The following SEC61A1 variants were observed in gnomAD, a reference collection of about 807,000 sequenced individuals.
The protein encoded by SEC61A1 is protein transport protein Sec61 subunit alpha isoform 1.
SEC61A1 carries 15 observed loss-of-function variants against 55.2 expected under a neutral mutation model. The observed-to-expected ratio is 0.27, with a 90% confidence interval of 0.18 to 0.42. The LOEUF is 0.42. Among genes scored for constraint, SEC61A1 ranks in the 10% least tolerant of loss-of-function variants. SEC61A1 has a pLI of 1.00. For missense variants in SEC61A1, 284 were observed against 602.6 expected, an observed-to-expected ratio of 0.47 and a Z score of 5.53; for synonymous variants, 247 against 234.0, an observed-to-expected ratio of 1.06 and a Z score of -0.51.
intron 7 of SEC61A1, among the ~76,000 whole-genome samples, chr3:128,063,901 G>A (rs1009203575): frequency 4.6e-5 from 7 of 152,074 alleles, no homozygotes; most frequent in African/African-American, 9.7e-5. Flanking sequence ...CACACTCCCC[G>A]CCTTCCTCTC....
At chr3:128,064,402 A>C (rs553857742) in intron 7 of SEC61A1, among the ~76,000 whole-genome samples, 2 of 152,242 alleles carry the variant, frequency 1.3e-5, no homozygotes, top group African/African-American at 4.8e-5. Flanking sequence ...ACACTTTGGG[A>C]GGGTGAGGCG....
intron 2 of SEC61A1, among the ~76,000 whole-genome samples, chr3:128,055,075 GT>G (rs1263038009): frequency 6.6e-6 from 1 of 152,084 alleles, no homozygotes; most frequent in Non-Finnish European, 1.5e-5. Context: ...GAATAACAAG[GT>G]TTTGTGACTG....
intron 1 of SEC61A1, 108 bp downstream of exon 1, chr3:128,052,667 A>G (rs1941706441): frequency 6.5e-7 from 1 of 1,538,204 alleles, no homozygotes; most frequent in Non-Finnish European, 8.8e-7. Context: ...CCCCCTGCAG[A>G]ACGCGGCCCG....
At chr3:128,053,660 C>T (rs1434770112) in intron 2 of SEC61A1, among the ~76,000 whole-genome samples, 1 of 152,198 alleles carries the variant, frequency 6.6e-6, no homozygotes, top group East Asian at 1.9e-4. Flanking sequence ...AAAATAGTTT[C>T]ATATAAATGC....
chr3:128,064,582 A>G (rs961092616), intron 7 of SEC61A1, among the ~76,000 whole-genome samples: 5 of 152,196 alleles, frequency 3.3e-5, no homozygotes, highest in Non-Finnish European at 5.9e-5. Flanking sequence ...GAGAAGGTTG[A>G]GGCTGCAGTG....
At chr3:128,058,201 ATTTTTTTTTTTTT>A (rs57508280) in intron 5 of SEC61A1, among the ~76,000 whole-genome samples, 5 of 79,358 alleles carry the variant, frequency 6.3e-5, no homozygotes, top group Non-Finnish European at 1.1e-4. Context: ...AAATACGTCT[ATTTTTTTTTTTTT>A]TTTTTTTTTT....
At chr3:128,054,619 G>T (rs184509684) in intron 2 of SEC61A1, among the ~76,000 whole-genome samples, 2 of 94,182 alleles carry the variant, frequency 2.1e-5, no homozygotes, top group Non-Finnish European at 4.6e-5. Flanking sequence ...TGCCTGCCTA[G>T]AAGTGTTTTT....
chr3:128,068,906 G>C (rs1183105833), intron 11 of SEC61A1: 1 of 152,302 alleles, frequency 6.6e-6, no homozygotes, highest in Non-Finnish European at 1.5e-5. Flanking sequence ...TTGTCCTATG[G>C]GCCTTACCTA....
chr3:128,063,014 T>G (rs1941872646), intron 7 of SEC61A1, among the ~76,000 whole-genome samples: 1 of 152,188 alleles, frequency 6.6e-6, no homozygotes, highest in African/African-American at 2.4e-5. Flanking sequence ...TACCTTTGGG[T>G]TAAAGTGATC....
In SEC61A1 at chr3:128,060,361, G is replaced by C. The variant is rs1017538489; in HGVS notation, c.463-147G>C. 5 of 1,079,148 alleles carry C rather than the reference G, an allele frequency of 4.6e-6. No homozygotes were observed. The African/African-American group carries it at 7.9e-5, about 17-fold the overall frequency. The allele number at this position is 1,079,148 out of a possible 1,614,324, so 66.8% of individuals were successfully genotyped here. On this transcript the variant is annotated intron_variant, in intron 6 of 11. Coordinates refer to ENST00000243253, the MANE Select transcript of SEC61A1 (RefSeq NM_013336.4). ...GGGTTAGCCCTCTGAATTCAGCAGA[G>C]AAAGGCTTTACTGACCGCTCTCTGG... is the stretch of plus-strand genomic sequence containing the variant.
chr3:128,063,897 C>T (rs1423017424), intron 7 of SEC61A1, among the ~76,000 whole-genome samples: 1 of 152,192 alleles, frequency 6.6e-6, no homozygotes, highest in Admixed American at 6.5e-5. Context: ...GCACCACACT[C>T]CCCGCCTTCC....
Position 128,067,667 on chromosome 3 carries a change from G to A in SEC61A1, c.1167+55G>A. The A allele has an allele frequency of 3.6e-6, 5 of 1,372,352 alleles. No individual in the cohort carries two copies. The highest frequency in any genetic ancestry group is 5.1e-6 in the Non-Finnish European group (5 of 985,658). The allele number at this position is 1,372,352 out of a possible 1,614,324, so 85.0% of individuals were successfully genotyped here. The stretch of plus-strand genomic sequence containing the variant: ...TGATGAAAGTGTGACTGGTATAAGG[G>A]GTGTGGACTTGTCACCTCATCATAA... On this transcript the variant is annotated intron_variant, in intron 10 of 11. Transcript: ENST00000243253. This position sits in a 1 kb window ranked among gnomAD's most constrained non-coding sequence, Gnocchi z 4.1.
intron 7 of SEC61A1, 103 bp from the exon 8 acceptor site, chr3:128,064,774 A>C: frequency 1.0e-6 from 1 of 989,522 alleles, no homozygotes; most frequent in Non-Finnish European, 1.5e-6. Context: ...TGAGTCTAAT[A>C]ACTTAAGTTT....
intron 7 of SEC61A1, among the ~76,000 whole-genome samples, chr3:128,062,572 G>C (rs547009686): frequency 2.0e-5 from 3 of 152,220 alleles, no homozygotes; most frequent in Non-Finnish European, 4.4e-5. Flanking sequence ...ATGATGGCCA[G>C]TTAGGATATG....
chr3:128,052,186 C>T (rs901960067), upstream of SEC61A1, among the ~76,000 whole-genome samples: 4 of 152,118 alleles, frequency 2.6e-5, no homozygotes, highest in African/African-American at 9.7e-5. Flanking sequence ...ACACCCTCCC[C>T]GCGCGCTCTC....
At chr3:128,064,631 G>A (rs1396699942) in intron 7 of SEC61A1, 6 of 472,812 alleles carry the variant, frequency 1.3e-5, no homozygotes, top group South Asian at 2.7e-5. Flanking sequence ...CTAGGCAGCC[G>A]AGAGAGAGGG....
chr3:128,055,746 A>G lies in SEC61A1; in HGVS notation c.215A>G (p.Asn72Ser). 6.2e-7 allele frequency: 1 copy of G among 1,612,646 alleles called. No individual in the cohort carries two copies. The highest frequency in any genetic ancestry group is 8.5e-7 in the Non-Finnish European group (1 of 1,178,588). Reference sequence around the variant, plus strand: ...TGGATGAGAGTGATTCTAGCCTCTAACAGAGGTAGGACTCTGGCTCTGTCT... The same window carrying G: ...TGGATGAGAGTGATTCTAGCCTCTAGCAGAGGTAGGACTCTGGCTCTGTCT... ...FYWMRVILAS[N>S]RGTLMELGIS... The change falls in exon 4 of 12, where the codon AAC becomes AGC. Residue 72 changes from asparagine to serine, a missense_variant. Coordinates refer to ENST00000243253, the MANE Select transcript of SEC61A1 (RefSeq NM_013336.4).
chr3:128,069,414 G>T, intron 11 of SEC61A1, 62 bp from the exon 12 acceptor site: 1 of 1,516,602 alleles, frequency 6.6e-7, no homozygotes, highest in Non-Finnish European at 8.9e-7. Flanking sequence ...TGAGCCTGTT[G>T]GCCGCCTGGC....
chr3:128,056,582 G>T (rs925123332), intron 4 of SEC61A1, 127 bp from the exon 5 acceptor site: 2 of 776,564 alleles, frequency 2.6e-6, no homozygotes, highest in African/African-American at 3.5e-5. Context: ...ATTAAACACA[G>T]CTAGGAAACT....
Sources: gnomAD v4.1 joint callset for allele counts (sites outside exome capture counted in the v4.1 genomes callset) on GRCh38, gnomAD v4.1.1 for gene constraint, Gnocchi (gnomAD v3.1) non-coding constraint, MANE v1.5 for transcripts, NCBI Gene and HGNC (gene_info 2026-07-23, HGNC 2026-07-21) for gene names.